MFSD1: variants seen among roughly 807,000 people sequenced by gnomAD.
MFSD1 encodes the protein major facilitator superfamily domain containing 1, also known as lysosomal dipeptide transporter MFSD1.
Under a neutral mutation model 67.1 loss-of-function variants are expected in MFSD1, and 59 were observed. The ratio of observed to expected loss-of-function variants is 0.88; its 90% CI spans 0.71 to 1.09. The LOEUF (loss-of-function observed/expected upper bound fraction) is 1.09. Ranked by LOEUF, MFSD1 falls within the 50% of genes least tolerant of loss-of-function variation. The probability of loss-of-function intolerance (pLI) is 0.00; values close to 1 mark genes in which losing one functional copy is unlikely to be tolerated. For synonymous variants in MFSD1, 213 were observed against 200.3 expected, an observed-to-expected ratio of 1.06 and a Z score of -0.54; for missense variants, 552 against 566.1, an observed-to-expected ratio of 0.97 and a Z score of 0.25.
intron 7 of MFSD1, among the ~76,000 whole-genome samples, chr3:158,819,152 A>G (rs1266818714): frequency 1.3e-5 from 2 of 152,228 alleles, no homozygotes; most frequent in African/African-American, 2.4e-5. Context: ...AAAGAGCTTG[A>G]GAGTACTGCG....
intron 7 of MFSD1, among the ~76,000 whole-genome samples, chr3:158,818,829 A>G (rs1433783663): frequency 6.6e-6 from 1 of 152,218 alleles, no homozygotes. Flanking sequence ...ATTTTAGAGT[A>G]AGACTTTTAG....
intron 3 of MFSD1, 36 bp downstream of exon 3, chr3:158,805,510 T>A (rs774600758): frequency 1.6e-5 from 22 of 1,418,236 alleles, no homozygotes; most frequent in Non-Finnish European, 2.2e-5. Context: ...AAATCTTACC[T>A]GATTGTTAGA....
chr3:158,809,792 A>G (rs1413597025), intron 6 of MFSD1, among the ~76,000 whole-genome samples: 1 of 152,226 alleles, frequency 6.6e-6, no homozygotes, highest in African/African-American at 2.4e-5. Context: ...TCTGCTGTGC[A>G]TCAGCACTTT....
rs539015482 is a variant in MFSD1 at position 158,823,525 on chromosome 3, T to C, written c.1175T>C (p.Phe392Ser). ...CATCAGCTGGGAACTGCATATGGCT[T>C]GTAAGTATTTACGCTGTGGATCGTA... ...PEHQLGTAYG[F>S]MQSIQNLGLA... Residue 392 changes from phenylalanine (F) to serine (S), a missense_variant and splice_region_variant, in exon 12 of 16, where the codon TTC becomes TCC. Phe to Ser is a radical substitution (Grantham distance 155). Transcript: ENST00000415822. 8 of 1,596,232 alleles carry C rather than the reference T, an allele frequency of 5.0e-6. No individual in the cohort carries two copies. The African/African-American group carries it at 6.7e-5, about 13-fold the overall frequency.
At chr3:158,825,977 A>G (rs1188044715) in intron 13 of MFSD1, 38 bp from the exon 14 acceptor site, 1 of 1,531,996 alleles carries the variant, frequency 6.5e-7, no homozygotes, top group Non-Finnish European at 9.0e-7. Context: ...TTGAGAAGAA[A>G]TACATATTTT....
intron 13 of MFSD1, among the ~76,000 whole-genome samples, chr3:158,825,658 T>C (rs1169600026): frequency 6.6e-6 from 1 of 152,166 alleles, no homozygotes; most frequent in Non-Finnish European, 1.5e-5. Flanking sequence ...TCTGAAATGA[T>C]AAACAATCGG....
intron 6 of MFSD1, among the ~76,000 whole-genome samples, chr3:158,809,834 T>A (rs1310746966): frequency 6.6e-6 from 1 of 152,174 alleles, no homozygotes; most frequent in Non-Finnish European, 1.5e-5. Context: ...AAGTTCTTGG[T>A]TATGTGTGCT....
At chr3:158,826,862 C>T (rs1474777121) in intron 14 of MFSD1, among the ~76,000 whole-genome samples, 3 of 151,694 alleles carry the variant, frequency 2.0e-5, no homozygotes, top group Non-Finnish European at 4.4e-5. Flanking sequence ...GATATGGGGT[C>T]CCCCTATGTT....
rs368564381 is a variant in MFSD1 at position 158,817,840 on chromosome 3, C to T, written c.653-1809C>T. On this transcript the variant is annotated intron_variant, in intron 7 of 15. Coordinates refer to ENST00000415822, the MANE Select transcript of MFSD1 (RefSeq NM_022736.4). ...AAGCTGGAGGCATCACGCTACCTGA[C>T]GTCTTGTAGTGTCTTTTAAGGAAAT... Among the ~76,000 whole-genome samples the T allele has an allele frequency of 3.0e-4, 45 of 152,314 alleles. 6 individuals are homozygous for T. The highest frequency in any genetic ancestry group is 2.2e-3 in the Admixed American group (34 of 15,306).
At chr3:158,804,466 G>A in intron 2 of MFSD1, 95 bp downstream of exon 2, 1 of 907,880 alleles carries the variant, frequency 1.1e-6, no homozygotes, top group Non-Finnish European at 1.7e-6. Context: ...AGTCTCACGT[G>A]TCCGCTGAAT....
At chr3:158,808,913 G>A in intron 5 of MFSD1, 1 of 352,908 alleles carries the variant, frequency 2.8e-6, no homozygotes, top group Non-Finnish European at 5.2e-6. Context: ...CATAGCATGG[G>A]GGTAGTGGTT....
chr3:158,804,442 C>A lies in MFSD1; in HGVS notation c.216+71C>A, dbSNP rs538272020. On this transcript the variant is annotated intron_variant, in intron 2 of 15. Coordinates refer to ENST00000415822, the MANE Select transcript of MFSD1 (RefSeq NM_022736.4). ...AGTGTAGCGGTGGAGGCATTATCAA[C>A]CCTCAGGTGCCCTAGTCTCACGTGT... 4.1e-6 allele frequency: 5 copies of A among 1,207,452 alleles called. No individual in the cohort carries two copies. The East Asian group carries it at 1.2e-4, about 28-fold the overall frequency. The allele number at this position is 1,207,452 out of a possible 1,614,324, so 74.8% of individuals were successfully genotyped here. A position where few individuals can be genotyped will look rare whatever the true frequency, so the allele number is the denominator to read the frequency against.
intron 11 of MFSD1, 67 bp downstream of exon 11, chr3:158,822,207 T>C (rs1434966488): frequency 6.7e-7 from 1 of 1,489,940 alleles, no homozygotes; most frequent in Non-Finnish European, 9.2e-7. Flanking sequence ...TTCATCTAAG[T>C]AGGCACGCTC....
In MFSD1 at chr3:158,829,138, G is replaced by C; in HGVS notation, c.*156G>C. 1.8e-6 allele frequency: 1 copy of C among 564,728 alleles called. No individual in the cohort carries two copies. The highest frequency in any genetic ancestry group is 2.9e-6 in the Non-Finnish European group (1 of 350,814). The allele number at this position is 564,728 out of a possible 1,614,324, so 35.0% of individuals were successfully genotyped here. A position where few individuals can be genotyped will look rare whatever the true frequency, so the allele number is the denominator to read the frequency against. ...TACCTATTTCAAAGTGTATTTGTGA[G>C]GCCTGTTTTAGCCTGTGTCTTTTGT... On this transcript the variant is annotated 3_prime_UTR_variant, in exon 16 of 16. Coordinates refer to ENST00000415822, the MANE Select transcript of MFSD1 (RefSeq NM_022736.4).
At chr3:158,815,134 T>C (rs1023918842) in intron 7 of MFSD1, among the ~76,000 whole-genome samples, 28 of 152,156 alleles carry the variant, frequency 1.8e-4, no homozygotes, top group African/African-American at 6.3e-4. Context: ...AAAACGTCCA[T>C]AGCATAAGGG....
chr3:158,803,723 G>T (rs1388912270), intron 1 of MFSD1, among the ~76,000 whole-genome samples: 2 of 152,138 alleles, frequency 1.3e-5, no homozygotes, highest in Non-Finnish European at 2.9e-5. Flanking sequence ...TGCATGGTCA[G>T]ATCTCTCCCT....
chr3:158,819,567 A>G lies in MFSD1; in HGVS notation c.653-82A>G, dbSNP rs1413843270. On this transcript the variant is annotated intron_variant, in intron 7 of 15. Coordinates refer to ENST00000415822, the MANE Select transcript of MFSD1 (RefSeq NM_022736.4). ...CTTTCAGTTGCTGTTTTTGCTGTTT[A>G]TGTAATGTACTTCTCCTTAGGAACC... 7.3e-6 allele frequency: 5 copies of G among 685,098 alleles called. No individual in the cohort carries two copies. The African/African-American group carries it at 9.4e-5, about 13-fold the overall frequency. The allele number at this position is 685,098 out of a possible 1,614,324, so 42.4% of individuals were successfully genotyped here.
At chr3:158,826,650 T>A (rs1195130270) in intron 14 of MFSD1, among the ~76,000 whole-genome samples, 1 of 151,458 alleles carries the variant, frequency 6.6e-6, no homozygotes, top group Admixed American at 6.6e-5. Context: ...CTTTTTTTTT[T>A]ATTTTAATAG....
At chr3:158,826,640 C>CT (rs1004010973) in intron 14 of MFSD1, among the ~76,000 whole-genome samples, 44 of 145,048 alleles carry the variant, frequency 3.0e-4, no homozygotes, top group South Asian at 4.4e-4. Context: ...AGGTCATTTC[C>CT]TTTTTTTTTT....
Sources: gnomAD v4.1 joint callset for allele counts (sites outside exome capture counted in the v4.1 genomes callset) on GRCh38, gnomAD v4.1.1 for gene constraint, MANE v1.5 for transcripts, NCBI Gene and HGNC (gene_info 2026-07-23, HGNC 2026-07-21) for gene names.